The following MIF variants were observed in gnomAD, a reference collection of about 807,000 sequenced individuals.
MIF encodes the protein macrophage migration inhibitory factor, also known as L-dopachrome isomerase.
A neutral mutation model predicts 11.3 loss-of-function variants in MIF; 16 were observed. The ratio of observed to expected loss-of-function variants is 1.42; its 90% CI spans 0.96 to 2.16. The LOEUF (loss-of-function observed/expected upper bound fraction) is 2.16. Among genes scored for constraint, MIF ranks in the 30% most tolerant of loss-of-function variants. The probability of loss-of-function intolerance (pLI) is 0.00; values close to 1 mark genes in which losing one functional copy is unlikely to be tolerated. For synonymous variants in MIF, 83 were observed against 74.2 expected, an observed-to-expected ratio of 1.12 and a Z score of -0.61; for missense variants, 229 against 165.3, an observed-to-expected ratio of 1.39 and a Z score of -2.11.
At position 23,894,821 on chromosome 22, in the gene MIF, C is replaced by G; in HGVS notation, c.158C>G (p.Ser53Cys). The change falls in exon 2 of 3, where the codon TCC becomes TGC. Residue 53 changes from serine (S) to cysteine (C), a missense_variant. Transcript: ENST00000215754. ...GACCAGCTCATGGCCTTCGGCGGCT[C>G]CAGCGAGCCGTGCGCGCTCTGCAGC... ...VPDQLMAFGGSSEPCALCSLH... is the reference protein window; with the variant it reads ...VPDQLMAFGGCSEPCALCSLH... 1 of 1,556,788 alleles carries G rather than the reference C, an allele frequency of 6.4e-7. No homozygotes were observed. The highest frequency in any genetic ancestry group is 8.6e-7 in the Non-Finnish European group (1 of 1,156,248).
rs754132407 is a variant in MIF at position 23,895,210 on chromosome 22, C to T, written c.*104C>T. The stretch of plus-strand genomic sequence containing the variant: ...CAACCTTCTGGTGGGGAGAAATAAA[C>T]GGTTTAGAGACTAGGAGTGCCTCGG... On this transcript the variant is annotated 3_prime_UTR_variant, in exon 3 of 3. Coordinates refer to ENST00000215754, the MANE Select transcript of MIF (RefSeq NM_002415.2). 7.2e-6 allele frequency: 9 copies of T among 1,245,486 alleles called. No homozygotes were observed. In the African/African-American group the frequency reaches 9.0e-5, roughly 12 times the overall value. The allele number at this position is 1,245,486 out of a possible 1,614,324, so 77.2% of individuals were successfully genotyped here.
intron 1 of MIF, 94 bp downstream of exon 1, chr22:23,894,676 G>A: frequency 6.8e-7 from 1 of 1,476,844 alleles, no homozygotes; most frequent in Non-Finnish European, 9.1e-7. Context: ...GGAGCTGGGG[G>A]GCGGGGCGGG....
chr22:23,894,915 G>A lies in MIF; in HGVS notation c.252G>A (p.Leu84=), dbSNP rs1196578311. 4.5e-6 allele frequency: 7 copies of A among 1,554,012 alleles called. No individual in the cohort carries two copies. Among genetic ancestry groups the A allele is most frequent in the Non-Finnish European group, 6.1e-6 (7 of 1,150,028 alleles). Residue 84 remains leucine, a synonymous_variant, in exon 2 of 3, where the codon CTG becomes CTA. Transcript: ENST00000215754. ...RSYSKLLCGL[L]AERLRISPDR... ...ACAGCAAGCTGCTGTGCGGCCTGCT[G>A]GCCGAGCGCCTGCGCATCAGCCCGG...
chr22:23,894,717 C>A, intron 1 of MIF, 55 bp from the exon 2 acceptor site: 2 of 1,478,584 alleles, frequency 1.4e-6, no homozygotes, highest in Non-Finnish European at 1.8e-6. Flanking sequence ...CCGAAGTGGA[C>A]GTTCGGGGCC....
In MIF at chr22:23,894,781, G is replaced by A; in HGVS notation, c.118G>A (p.Val40Met). 6.5e-7 allele frequency: 1 copy of A among 1,540,144 alleles called. No homozygotes were observed. ...ATGKPPQYIA[V>M]HVVPDQLMAF... ...CGCCCTTTCCTCGCAGTACATCGCG[G>A]TGCACGTGGTCCCGGACCAGCTCAT... Residue 40 changes from valine to methionine, a missense_variant, in exon 2 of 3, where the codon GTG (valine) becomes ATG (methionine). Transcript: ENST00000215754.
At chr22:23,894,670 C>A (rs1435989268) in intron 1 of MIF, 88 bp downstream of exon 1, 10 of 848,932 alleles carry the variant, frequency 1.2e-5, no homozygotes, top group Middle Eastern at 8.7e-4. Context: ...CTGAACGGAG[C>A]TGGGGGGCGG....
rs775404610 is a variant in MIF at position 23,894,599 on chromosome 22, C to T, written c.108+17C>T. The T allele has an allele frequency of 4.9e-5, 79 of 1,607,486 alleles. No individual in the cohort carries two copies. The highest frequency in any genetic ancestry group is 6.5e-5 in the Non-Finnish European group (77 of 1,176,110). ...CCCCCCCAGGTTTGCCGGGAGGGGA[C>T]AGGAAGAGGGGGGTGCCCACCGGAC... On this transcript the variant is annotated intron_variant, in intron 1 of 2. Transcript: ENST00000215754.
At position 23,894,918 on chromosome 22, in the gene MIF, C is replaced by G. The variant is rs34060481; in HGVS notation, c.255C>G (p.Ala85=). The G allele has an allele frequency of 4.6e-5, 71 of 1,553,468 alleles. No individual in the cohort carries two copies. In the East Asian group the frequency reaches 1.6e-3, roughly 36 times the overall value. ...SYSKLLCGLL[A]ERLRISPDRV... ...GCAAGCTGCTGTGCGGCCTGCTGGC[C>G]GAGCGCCTGCGCATCAGCCCGGACA... Residue 85 remains alanine (A), a synonymous_variant, in exon 2 of 3, where the codon GCC becomes GCG. Coordinates refer to ENST00000215754, the MANE Select transcript of MIF (RefSeq NM_002415.2).
In MIF at chr22:23,895,178, C is replaced by A; in HGVS notation, c.*72C>A. 2.1e-6 allele frequency: 3 copies of A among 1,415,940 alleles called. No individual in the cohort carries two copies. The highest frequency in any genetic ancestry group is 2.9e-6 in the Non-Finnish European group (3 of 1,023,328). 87.7% of individuals were successfully genotyped at this position (1,415,940 alleles called of 1,614,324 possible). A position where few individuals can be genotyped will look rare whatever the true frequency, so the allele number is the denominator to read the frequency against. ...CGCCGCACGCTGTGTTCTAGGCCCGCCCACCCCAACCTTCTGGTGGGGAGA... is the reference window on the plus strand; with the variant it reads ...CGCCGCACGCTGTGTTCTAGGCCCGACCACCCCAACCTTCTGGTGGGGAGA... On this transcript the variant is annotated 3_prime_UTR_variant, in exon 3 of 3. Transcript: ENST00000215754.
In MIF at chr22:23,894,788, T is replaced by C; in HGVS notation, c.125T>C (p.Val42Ala). Residue 42 changes from valine (V) to alanine (A), a missense_variant, in exon 2 of 3, where the codon GTG (valine) becomes GCG (alanine). Coordinates refer to ENST00000215754, the MANE Select transcript of MIF (RefSeq NM_002415.2). ...TCCTCGCAGTACATCGCGGTGCACGTGGTCCCGGACCAGCTCATGGCCTTC... is the reference window on the plus strand; with the variant it reads ...TCCTCGCAGTACATCGCGGTGCACGCGGTCCCGGACCAGCTCATGGCCTTC... ...GKPPQYIAVH[V>A]VPDQLMAFGG... The C allele has an allele frequency of 6.5e-7, 1 of 1,544,536 alleles. No homozygotes were observed. The highest frequency in any genetic ancestry group is 8.7e-7 in the Non-Finnish European group (1 of 1,148,300).
rs1197190942 is a variant in MIF at position 23,894,526 on chromosome 22, G to A, written c.52G>A (p.Gly18Arg). The stretch of plus-strand genomic sequence containing the variant: ...CGTGCCCCGCGCCTCCGTGCCGGAC[G>A]GGTTCCTCTCCGAGCTCACCCAGCA... ...TNVPRASVPD[G>R]FLSELTQQLA... is the part of the protein sequence containing the mutation. Residue 18 changes from glycine to arginine, a missense_variant, in exon 1 of 3, where the codon GGG (glycine) becomes AGG (arginine). Physicochemically the swap from Gly to Arg is moderately radical, Grantham distance 125. Transcript: ENST00000215754. 4 of 1,613,124 alleles carry A rather than the reference G, an allele frequency of 2.5e-6. No homozygotes were observed. The highest frequency in any genetic ancestry group is 3.4e-6 in the Non-Finnish European group (4 of 1,179,828).
At chr22:23,894,992 A>G in intron 2 of MIF, 48 bp downstream of exon 2, 1 of 1,542,096 alleles carries the variant, frequency 6.5e-7, no homozygotes, top group Non-Finnish European at 8.7e-7. Flanking sequence ...GCGCGCGGCC[A>G]GGCCCGGGAC....
chr22:23,894,980 C>T, intron 2 of MIF, 36 bp downstream of exon 2: 4 of 1,543,516 alleles, frequency 2.6e-6, no homozygotes, highest in Non-Finnish European at 3.5e-6. Context: ...GGAGGGGCGG[C>T]GGCGCGCGGC....
chr22:23,895,034 C>G lies in MIF; in HGVS notation c.282-6C>G, dbSNP rs2070766. 0.18 allele frequency: 272,486 copies of G among 1,545,856 alleles called. 24,770 individuals are homozygous for G. Among genetic ancestry groups the G allele is most frequent in the Admixed American group, 0.25 (12,734 of 51,232 alleles). On this transcript the variant is annotated splice_region_variant and splice_polypyrimidine_tract_variant and intron_variant, in intron 2 of 2. Coordinates refer to ENST00000215754, the MANE Select transcript of MIF (RefSeq NM_002415.2). Reference sequence around the variant, plus strand: ...ACCCGCTGAGTCCGGCCTCCTCCCCCCGCAGGGTCTACATCAACTATTACG... The same window carrying G: ...ACCCGCTGAGTCCGGCCTCCTCCCCGCGCAGGGTCTACATCAACTATTACG...
At position 23,895,041 on chromosome 22, in the gene MIF, G is replaced by A; in HGVS notation, c.283G>A (p.Val95Ile). Residue 95 changes from valine (V) to isoleucine (I), a missense_variant and splice_region_variant, in exon 3 of 3, where the codon GTC becomes ATC. Coordinates refer to ENST00000215754, the MANE Select transcript of MIF (RefSeq NM_002415.2). ...GAGTCCGGCCTCCTCCCCCCGCAGG[G>A]TCTACATCAACTATTACGACATGAA... ...AERLRISPDRVYINYYDMNAA... is the reference protein window; with the variant it reads ...AERLRISPDRIYINYYDMNAA... 6.4e-7 allele frequency: 1 copy of A among 1,552,610 alleles called. No homozygotes were observed. Among genetic ancestry groups the A allele is most frequent in the Non-Finnish European group, 8.7e-7 (1 of 1,147,564 alleles).
intron 2 of MIF, 31 bp from the exon 3 acceptor site, chr22:23,895,009 A>G: frequency 6.5e-7 from 1 of 1,540,424 alleles, no homozygotes; most frequent in South Asian, 1.2e-5. Context: ...GGACTGAGCC[A>G]CCCGCTGAGT....
chr22:23,894,385 T>G lies in MIF; in HGVS notation c.-90T>G, dbSNP rs2033110993. The G allele has an allele frequency of 9.3e-7, 1 of 1,077,336 alleles. No individual in the cohort carries two copies. Among genetic ancestry groups the G allele is most frequent in the Non-Finnish European group, 1.4e-6 (1 of 704,138 alleles). The allele number at this position is 1,077,336 out of a possible 1,614,324, so 66.7% of individuals were successfully genotyped here. A position where few individuals can be genotyped will look rare whatever the true frequency, so the allele number is the denominator to read the frequency against. ...GGCGTCACAAAAGGCGGGACCACAG[T>G]GGTGTCCGAGAAGTCAGGCACGTAG... is the stretch of plus-strand genomic sequence containing the variant. On this transcript the variant is annotated 5_prime_UTR_variant, in exon 1 of 3. Coordinates refer to ENST00000215754, the MANE Select transcript of MIF (RefSeq NM_002415.2).
At position 23,894,439 on chromosome 22, in the gene MIF, G is replaced by T; in HGVS notation, c.-36G>T. ...AGCGGCGGCCGCGGCGCGTGCGTCT[G>T]TGCCTCTGCGCGGGTCTCCTGGTCC... On this transcript the variant is annotated 5_prime_UTR_variant, in exon 1 of 3. Coordinates refer to ENST00000215754, the MANE Select transcript of MIF (RefSeq NM_002415.2). The T allele has an allele frequency of 6.4e-7, 1 of 1,550,626 alleles. No homozygotes were observed. The highest frequency in any genetic ancestry group is 8.9e-7 in the Non-Finnish European group (1 of 1,124,204).
chr22:23,894,787 G>A lies in MIF; in HGVS notation c.124G>A (p.Val42Met). 6.5e-7 allele frequency: 1 copy of A among 1,544,000 alleles called. No homozygotes were observed. Among genetic ancestry groups the A allele is most frequent in the Non-Finnish European group, 8.7e-7 (1 of 1,147,996 alleles). ...GKPPQYIAVH[V>M]VPDQLMAFGG... ...TTCCTCGCAGTACATCGCGGTGCAC[G>A]TGGTCCCGGACCAGCTCATGGCCTT... The change falls in exon 2 of 3, where the codon GTG becomes ATG. Residue 42 changes from valine to methionine, a missense_variant. Coordinates refer to ENST00000215754, the MANE Select transcript of MIF (RefSeq NM_002415.2).
Sources: gnomAD v4.1 joint callset for allele counts on GRCh38, gnomAD v4.1.1 for gene constraint, MANE v1.5 for transcripts, NCBI Gene and HGNC (gene_info 2026-07-23, HGNC 2026-07-21) for gene names.